CDH12: variants seen among roughly 807,000 people sequenced by gnomAD.
CDH12 encodes the protein cadherin-12.
CDH12 carries 41 observed loss-of-function variants against 74.1 expected under a neutral mutation model. The ratio of observed to expected loss-of-function variants is 0.55; its 90% CI spans 0.43 to 0.72. The LOEUF (loss-of-function observed/expected upper bound fraction) is 0.72. Among genes scored for constraint, CDH12 ranks in the 30% least tolerant of loss-of-function variants. CDH12 has a pLI of 0.00. For missense variants in CDH12, 945 were observed against 977.2 expected (o/e 0.97, Z 0.44); for synonymous variants, 399 against 355.0 (o/e 1.12, Z -1.39).
At chr5:21,967,949 T>C (rs1262509896) in intron 6 of CDH12, among the ~76,000 whole-genome samples, 6 of 152,148 alleles carry the variant, frequency 3.9e-5, no homozygotes, top group South Asian at 2.1e-4. Flanking sequence ...AAGCTGATAA[T>C]TGGTGTTTCT....
chr5:22,559,903 C>T (rs1353521404), intron 1 of CDH12, among the ~76,000 whole-genome samples: 1 of 152,126 alleles, frequency 6.6e-6, no homozygotes, highest in African/African-American at 2.4e-5. Flanking sequence ...GTTCCCTTAG[C>T]TCCAATCAGA....
intron 3 of CDH12, among the ~76,000 whole-genome samples, chr5:22,310,501 C>A (rs72742101): frequency 0.12 from 18,469 of 150,816 alleles, 1,169 homozygotes; most frequent in South Asian, 0.17. Flanking sequence ...TATAATAAAC[C>A]ATTATAATTA....
intron 5 of CDH12, among the ~76,000 whole-genome samples, chr5:22,060,529 C>T (rs996753766): frequency 2.0e-5 from 3 of 151,980 alleles, no homozygotes; most frequent in African/African-American, 7.3e-5. Flanking sequence ...AGGCAAGGAA[C>T]TGTATTGACT....
chr5:22,466,157 T>G (rs1373701993), intron 2 of CDH12, among the ~76,000 whole-genome samples: 1 of 152,232 alleles, frequency 6.6e-6, no homozygotes, highest in Admixed American at 6.5e-5. Context: ...CATTTCCATC[T>G]CCAGCCCTTG....
chr5:22,098,540 C>T (rs1743938411), intron 4 of CDH12, among the ~76,000 whole-genome samples: 1 of 152,190 alleles, frequency 6.6e-6, no homozygotes, highest in Non-Finnish European at 1.5e-5. Flanking sequence ...ACAAACTATG[C>T]TCAACTCACT....
intron 3 of CDH12, among the ~76,000 whole-genome samples, chr5:22,241,223 A>G (rs954753710): frequency 5.3e-5 from 8 of 152,040 alleles, no homozygotes; most frequent in Admixed American, 2.0e-4. Flanking sequence ...AATATTTATG[A>G]CATATAAATA....
intron 1 of CDH12, among the ~76,000 whole-genome samples, chr5:22,674,746 T>A (rs1741078665): frequency 6.6e-6 from 1 of 152,132 alleles, no homozygotes; most frequent in Non-Finnish European, 1.5e-5. Flanking sequence ...GATTAGGAAC[T>A]TGTTGGGAAC....
intron 2 of CDH12, among the ~76,000 whole-genome samples, chr5:22,504,228 A>G (rs1736290340): frequency 6.6e-6 from 1 of 151,968 alleles, no homozygotes; most frequent in Non-Finnish European, 1.5e-5. Context: ...TTCTATTTCA[A>G]TCTTACCATC....
chr5:22,183,531 T>C (rs932749413), intron 4 of CDH12, among the ~76,000 whole-genome samples: 2 of 152,192 alleles, frequency 1.3e-5, no homozygotes, highest in African/African-American at 2.4e-5. Context: ...TATATGGTGG[T>C]AACCAGATAA....
chr5:22,674,694 G>C (rs7442725), intron 1 of CDH12, among the ~76,000 whole-genome samples: 7 of 152,032 alleles, frequency 4.6e-5, no homozygotes, highest in African/African-American at 1.7e-4. Flanking sequence ...TTCTGATAAC[G>C]ATATGGACAA....
In CDH12 at chr5:21,850,333, G is replaced by T. The variant is rs138092575; in HGVS notation, c.646+4338C>A. On this transcript the variant is annotated intron_variant, in intron 7 of 14. Coordinates refer to ENST00000382254, the MANE Select transcript of CDH12 (RefSeq NM_004061.5). ...CATGAGGAGGAGCCAGGGGTAGTTGGGGGAGAATGAATAAGTAAGATGATG... is the reference window on the plus strand; with the variant it reads ...CATGAGGAGGAGCCAGGGGTAGTTGTGGGAGAATGAATAAGTAAGATGATG... 9.1e-3 allele frequency among the ~76,000 whole-genome samples: 1,383 copies of T among 151,418 alleles called. 10 individuals carry two copies. The highest frequency in any genetic ancestry group is 0.031 in the Middle Eastern group (9 of 294).
At position 22,389,144 on chromosome 5, in the gene CDH12, C is replaced by T. The variant is rs76784769; in HGVS notation, c.-333+16113G>A. The stretch of plus-strand genomic sequence containing the variant: ...ACATTTGGGCATTCAAGAGTGATGT[C>T]TTCCTAGGTGGCTATCAGTCTCCCA... On this transcript the variant is annotated intron_variant, in intron 3 of 14. Coordinates refer to ENST00000382254, the MANE Select transcript of CDH12 (RefSeq NM_004061.5). Among the ~76,000 whole-genome samples the T allele has an allele frequency of 1.7e-3, 265 of 152,288 alleles. 7 individuals carry two copies. In the East Asian group the frequency reaches 0.037, roughly 21 times the overall value.
intron 6 of CDH12, among the ~76,000 whole-genome samples, chr5:21,934,399 T>A (rs1053149496): frequency 1.3e-5 from 2 of 152,210 alleles, no homozygotes; most frequent in African/African-American, 4.8e-5. Flanking sequence ...ATAATATGTA[T>A]CAACTGAGCA....
At chr5:22,177,673 G>T (rs1270358047) in intron 4 of CDH12, among the ~76,000 whole-genome samples, 1 of 152,004 alleles carries the variant, frequency 6.6e-6, no homozygotes, top group Non-Finnish European at 1.5e-5. Context: ...CTATTCTAGA[G>T]CAACCTCTCT....
At chr5:22,234,477 C>G (rs1421787873) in intron 3 of CDH12, among the ~76,000 whole-genome samples, 1 of 152,102 alleles carries the variant, frequency 6.6e-6, no homozygotes, top group Non-Finnish European at 1.5e-5. Flanking sequence ...AAGTGCCTTT[C>G]ACCTCCCACT....
At chr5:22,175,588 G>A (rs1749286374) in intron 4 of CDH12, among the ~76,000 whole-genome samples, 1 of 134,702 alleles carries the variant, frequency 7.4e-6, no homozygotes, top group Non-Finnish European at 1.7e-5. Context: ...AATATATGGT[G>A]TTAATTAAAA....
intron 5 of CDH12, among the ~76,000 whole-genome samples, chr5:22,045,171 G>A (rs564300528): frequency 1.3e-5 from 2 of 152,188 alleles, no homozygotes; most frequent in South Asian, 2.1e-4. Context: ...CATATAAATG[G>A]CCAACTGTAT....
intron 4 of CDH12, among the ~76,000 whole-genome samples, chr5:22,179,244 G>C (rs1434272225): frequency 6.6e-6 from 1 of 152,086 alleles, no homozygotes; most frequent in Admixed American, 6.6e-5. Flanking sequence ...TTCTTCAATA[G>C]ATAATGAATG....
chr5:21,801,192 A>G lies in CDH12; in HGVS notation c.1256+975T>C, dbSNP rs77419521. ...ATGCAATTACTGTGTTAAGGATACT[A>G]CTGAACACTTGATCCATTGTTTTAA... On this transcript the variant is annotated intron_variant, in intron 10 of 14. Transcript: ENST00000382254. 1.5e-3 allele frequency among the ~76,000 whole-genome samples: 230 copies of G among 152,304 alleles called. 2 individuals are homozygous for G. Among genetic ancestry groups the G allele is most frequent in the African/African-American group, 5.5e-3 (227 of 41,582 alleles).
Sources: gnomAD v4.1 joint callset for allele counts (sites outside exome capture counted in the v4.1 genomes callset) on GRCh38, gnomAD v4.1.1 for gene constraint, MANE v1.5 for transcripts, NCBI Gene and HGNC (gene_info 2026-07-23, HGNC 2026-07-21) for gene names.